The following NBPF11 variants were observed in gnomAD, a reference collection of about 807,000 sequenced individuals.
NBPF11 encodes the protein NBPF member 11, also known as NBPF family member NBPF11.
NBPF11 carries 72 observed loss-of-function variants against 93.9 expected under a neutral mutation model. The ratio of observed to expected loss-of-function variants is 0.77; its 90% CI spans 0.63 to 0.93. The LOEUF (loss-of-function observed/expected upper bound fraction) is 0.93. NBPF11 is among the 40% of genes least tolerant of loss of function. The pLI is 0.00. For synonymous variants in NBPF11, 224 were observed against 304.9 expected, an observed-to-expected ratio of 0.73 and a Z score of 2.76; for missense variants, 705 against 802.2, an observed-to-expected ratio of 0.88 and a Z score of 1.46.
chr1:148,121,098 G>A (rs1558143655), intron 9 of NBPF11, among the ~76,000 whole-genome samples: 1 of 151,720 alleles, frequency 6.6e-6, no homozygotes, highest in Non-Finnish European at 1.5e-5. Context: ...AGGCTGCAGT[G>A]CAGAGGCACA....
rs1331885432 is a variant in NBPF11 at position 148,125,945 on chromosome 1, A to G, written c.175+884T>C. On this transcript the variant is annotated intron_variant, in intron 5 of 23. Coordinates refer to ENST00000682118, the MANE Select transcript of NBPF11 (RefSeq NM_001385469.3). ...CAAGAGCCTGTGCACCAGGAAGCAG[A>G]CTTCACTCTCACCAAGGTACTCTCT... Among the ~76,000 whole-genome samples the G allele has an allele frequency of 1.2e-3, 184 of 151,926 alleles. 2 individuals carry two copies. In the East Asian group the frequency reaches 0.034, roughly 28 times the overall value.
rs1244548730 is a variant in NBPF11, at chr1:148,103,662, G to C, written c.*234C>G. On this transcript the variant is annotated 3_prime_UTR_variant, in exon 24 of 24. Transcript: ENST00000682118. Reference sequence around the variant, plus strand: ...GGAATGACACCTCTCGGCTTAGTAAGGGCTGCTTATTGTGGGAATATGACT... The same window carrying C: ...GGAATGACACCTCTCGGCTTAGTAACGGCTGCTTATTGTGGGAATATGACT... 1.2e-5 allele frequency: 20 copies of C among 1,611,054 alleles called. No individual in the cohort carries two copies. The East Asian group carries it at 3.6e-4, about 29-fold the overall frequency.
At chr1:148,132,146 A>G (rs1405004249) in intron 4 of NBPF11, among the ~76,000 whole-genome samples, 14,561 of 93,724 alleles carry the variant, frequency 0.16, 11 homozygotes, top group Admixed American at 0.23. Context: ...GTGTGTGTGT[A>G]TATATATATA....
chr1:148,111,525 C>T (rs1665262739), intron 15 of NBPF11, among the ~76,000 whole-genome samples: 2 of 151,850 alleles, frequency 1.3e-5, no homozygotes, highest in African/African-American at 4.9e-5. Flanking sequence ...AGACGAATGG[C>T]TAACCAGAAT....
intron 1 of NBPF11, chr1:148,146,356 G>A (rs1235037223): frequency 7.8e-5 from 115 of 1,481,312 alleles, no homozygotes; most frequent in Admixed American, 5.0e-4. Flanking sequence ...CGTTGTTGGC[G>A]GGGGCCCCGG....
intron 17 of NBPF11, among the ~76,000 whole-genome samples, 160 bp from the exon 18 acceptor site, chr1:148,108,814 GGCC>G (rs1664468534): frequency 1.4e-5 from 2 of 143,180 alleles, no homozygotes; most frequent in Non-Finnish European, 3.0e-5. Flanking sequence ...GATAGACTAG[GGCC>G]AGGTAGAAAA....
chr1:148,120,736 G>A, intron 9 of NBPF11, 26 bp from the exon 10 acceptor site: 1 of 1,451,168 alleles, frequency 6.9e-7, no homozygotes, highest in South Asian at 1.1e-5. Flanking sequence ...GCAAACATAT[G>A]ATGGGTTAAA....
At chr1:148,112,274 G>A (rs1459456819) in intron 15 of NBPF11, among the ~76,000 whole-genome samples, 52 of 142,732 alleles carry the variant, frequency 3.6e-4, no homozygotes, top group Non-Finnish European at 7.8e-4. Flanking sequence ...TTTAACATTA[G>A]GTATATCTCC....
chr1:148,108,948 C>G (rs1412357902), intron 17 of NBPF11, among the ~76,000 whole-genome samples: 12 of 151,044 alleles, frequency 7.9e-5, no homozygotes, highest in Admixed American at 7.9e-4. Flanking sequence ...AAAGGACACT[C>G]TGTATTTGTG....
chr1:148,113,186 A>C (rs1386560250), intron 15 of NBPF11, among the ~76,000 whole-genome samples: 14,851 of 151,948 alleles, frequency 0.098, 900 homozygotes, highest in Middle Eastern at 0.17. Context: ...AATTGGATAA[A>C]GAGTCAAGAC....
chr1:148,129,203 T>C (rs2149259493), intron 4 of NBPF11, among the ~76,000 whole-genome samples: 1 of 146,996 alleles, frequency 6.8e-6, no homozygotes, highest in East Asian at 2.0e-4. Context: ...ATATAAAATA[T>C]ATATACACAC....
chr1:148,139,365 A>T (rs1671844109), intron 2 of NBPF11, among the ~76,000 whole-genome samples: 1 of 144,610 alleles, frequency 6.9e-6, no homozygotes, highest in Non-Finnish European at 1.5e-5. Context: ...ATAGTCCACT[A>T]CATAAAGTCC....
At position 148,108,618 on chromosome 1, in the gene NBPF11, T is replaced by G. The variant is rs1553267883; in HGVS notation, c.1890A>C (p.Glu630Asp). 1 of 1,459,556 alleles carries G rather than the reference T, an allele frequency of 6.9e-7. No individual in the cohort carries two copies. Among genetic ancestry groups the G allele is most frequent in the East Asian group, 2.3e-5 (1 of 44,082 alleles). 90.4% of individuals were successfully genotyped at this position (1,459,556 alleles called of 1,614,324 possible). A position where few individuals can be genotyped will look rare whatever the true frequency, so the allele number is the denominator to read the frequency against. The change falls in exon 18 of 24, where the codon GAA becomes GAC. Residue 630 changes from glutamate (E) to aspartate (D), a missense_variant. Glu to Asp is a conservative substitution (Grantham distance 45, BLOSUM62 2). Coordinates refer to ENST00000682118, the MANE Select transcript of NBPF11 (RefSeq NM_001385469.3). ...SRELLDEKEP[E>D]VLQDSLDRCY... is the part of the protein sequence containing the mutation. ...ATCTATCCAGTGAGTCCTGCAAGAC[T>G]TCAGGCTCTTTCTCATCCAGCAGCT... is the stretch of plus-strand genomic sequence containing the variant.
chr1:148,149,212 G>C lies in NBPF11; in HGVS notation c.-549+2538C>G, dbSNP rs1418517976. 117 of 1,547,990 alleles carry C rather than the reference G, an allele frequency of 7.6e-5. 12 individuals are homozygous for C. The highest frequency in any genetic ancestry group is 1.0e-4 in the Non-Finnish European group (116 of 1,144,878). On this transcript the variant is annotated intron_variant, in intron 1 of 23. Coordinates refer to ENST00000682118, the MANE Select transcript of NBPF11 (RefSeq NM_001385469.3). The stretch of plus-strand genomic sequence containing the variant: ...TCCTGTACGGGCAGAGCATCGGCAC[G>C]GTGCCCACCATGGACCTGGCCTCGC...
chr1:148,119,556 G>A lies in NBPF11; in HGVS notation c.989-834C>T, dbSNP rs111239941. On this transcript the variant is annotated intron_variant, in intron 10 of 23. Transcript: ENST00000682118. ...TGCACTGCTACCTCCACACATTCTC[G>A]GGTGCGATCTTTCTTCCTCTTTAGG... is the stretch of plus-strand genomic sequence containing the variant. Among the ~76,000 whole-genome samples the A allele has an allele frequency of 3.4e-4, 51 of 151,528 alleles. 1 individual carries two copies. Among genetic ancestry groups the A allele is most frequent in the African/African-American group, 1.0e-3 (42 of 41,122 alleles).
chr1:148,132,886 G>T, intron 4 of NBPF11, among the ~76,000 whole-genome samples: 1 of 134,694 alleles, frequency 7.4e-6, no homozygotes, highest in East Asian at 2.0e-4. Context: ...CAAGTAGCTG[G>T]ACTACAGGCA....
In NBPF11 at chr1:148,108,591, A is replaced by C. The variant is rs1439345029; in HGVS notation, c.1917T>G (p.Cys639Trp). The C allele has an allele frequency of 2.4e-5, 37 of 1,564,048 alleles. No individual in the cohort carries two copies. Among genetic ancestry groups the C allele is most frequent in the Middle Eastern group, 4.5e-4 (2 of 4,492 alleles). Residue 639 changes from cysteine to tryptophan, a missense_variant, in exon 18 of 24, where the codon TGT becomes TGG. Physicochemically the swap from Cys to Trp is radical, Grantham distance 215. This residue lies in a region of NBPF11 where 97 missense variants were observed against 65.0 expected (regional missense o/e 1.49). Coordinates refer to ENST00000682118, the MANE Select transcript of NBPF11 (RefSeq NM_001385469.3). ...CAAGATAAACTGAAGGAGTTGAATA[A>C]CATCTATCCAGTGAGTCCTGCAAGA... ...PEVLQDSLDR[C>W]YSTPSVYLGL...
In NBPF11 at chr1:148,106,706, T is replaced by C. The variant is rs1297120907; in HGVS notation, c.2251+236A>G. 8.1e-4 allele frequency among the ~76,000 whole-genome samples: 121 copies of C among 148,674 alleles called. 1 individual carries two copies. Among genetic ancestry groups the C allele is most frequent in the Non-Finnish European group, 1.4e-3 (92 of 67,590 alleles). On this transcript the variant is annotated intron_variant, in intron 20 of 23. Coordinates refer to ENST00000682118, the MANE Select transcript of NBPF11 (RefSeq NM_001385469.3). ...CTGCCTGGGTCCAATGTGCTGAGAG[T>C]GGGCTCAGGTTGCCATAGGCATGGC...
chr1:148,149,573 C>A (rs1647746631), intron 1 of NBPF11: 3 of 1,593,512 alleles, frequency 1.9e-6, no homozygotes, highest in Non-Finnish European at 2.5e-6. Context: ...CTAGCGGCGG[C>A]CCCAACCAGC....
Sources: allele counts gnomAD v4.1 joint callset (sites outside exome capture counted in the v4.1 genomes callset), GRCh38; gene constraint gnomAD v4.1.1; regional missense constraint gnomAD v4.1.1; transcripts MANE v1.5; gene names NCBI Gene and HGNC (gene_info 2026-07-23, HGNC 2026-07-21).